Variants in BCAT1 observed in about 807,000 individuals in gnomAD.
The protein encoded by BCAT1 is branched chain amino acid transaminase 1, also known as branched-chain-amino-acid aminotransferase, cytosolic.
BCAT1 carries 48 observed loss-of-function variants against 52.4 expected under a neutral mutation model. The observed-to-expected ratio is 0.92, with a 90% CI of 0.73 to 1.16. The LOEUF (loss-of-function observed/expected upper bound fraction) is 1.16, where lower values mean the gene tolerates loss of function less well. BCAT1 is among the 50% of genes most tolerant of loss of function. The pLI, the probability that BCAT1 is intolerant of heterozygous loss-of-function variation, is 0.00. For synonymous variants in BCAT1, 167 were observed against 161.3 expected, an observed-to-expected ratio of 1.04 and a Z score of -0.27; for missense variants, 451 against 457.1, an observed-to-expected ratio of 0.99 and a Z score of 0.12.
At chr12:24,902,092 G>T in intron 1 of BCAT1, 1 of 1,477,090 alleles carries the variant, frequency 6.8e-7, no homozygotes, top group Non-Finnish European at 8.9e-7. Context: ...CCACCCTGCC[G>T]GGGTCGCGGC....
intron 3 of BCAT1, among the ~76,000 whole-genome samples, chr12:24,891,775 G>A (rs1942845874): frequency 6.6e-6 from 1 of 150,722 alleles, no homozygotes; most frequent in Admixed American, 6.6e-5. Flanking sequence ...TTGAGATGGA[G>A]TCTTGCTCTG....
chr12:24,867,244 C>A (rs1251389793), intron 5 of BCAT1, among the ~76,000 whole-genome samples: 1 of 152,112 alleles, frequency 6.6e-6, no homozygotes, highest in Non-Finnish European at 1.5e-5. Flanking sequence ...GTAACACTTA[C>A]CGCGAGGGTC....
intron 3 of BCAT1, among the ~76,000 whole-genome samples, chr12:24,887,080 A>AAAAAAAAAAAAAAAATAT (rs1245203518): frequency 2.2e-4 from 9 of 40,748 alleles, no homozygotes; most frequent in Admixed American, 2.9e-4. Context: ...AAAAAAAAAA[A>AAAAAAAAAAAAAAAATAT]ATATATATAT....
At chr12:24,937,915 G>C (rs1285737412) in intron 1 of BCAT1, among the ~76,000 whole-genome samples, 1 of 152,212 alleles carries the variant, frequency 6.6e-6, no homozygotes, top group Non-Finnish European at 1.5e-5. Context: ...TTTGGTGTGT[G>C]ATTCAAAGGT....
At chr12:24,849,191 C>CCAA (rs1183422069) in intron 6 of BCAT1, among the ~76,000 whole-genome samples, 1 of 152,264 alleles carries the variant, frequency 6.6e-6, no homozygotes. Context: ...CTGAAATCGT[C>CCAA]CAACACTTTT....
chr12:24,827,613 G>A (rs897598296), intron 10 of BCAT1, among the ~76,000 whole-genome samples: 3 of 152,086 alleles, frequency 2.0e-5, no homozygotes, highest in Non-Finnish European at 4.4e-5. Flanking sequence ...CCAACATGGC[G>A]AAACCTCGAC....
At chr12:24,860,867 T>G (rs1941832299) in intron 5 of BCAT1, among the ~76,000 whole-genome samples, 1 of 152,196 alleles carries the variant, frequency 6.6e-6, no homozygotes, top group Non-Finnish European at 1.5e-5. Flanking sequence ...CAGATAAATC[T>G]GTGTCTCAGC....
chr12:24,870,882 G>T (rs1470653974), intron 5 of BCAT1, among the ~76,000 whole-genome samples: 2 of 152,092 alleles, frequency 1.3e-5, no homozygotes, highest in Non-Finnish European at 2.9e-5. Flanking sequence ...AATTAGCCAG[G>T]TGTAGTGGTG....
Position 24,883,847 on chromosome 12 carries a change from G to A in BCAT1, c.280-2436C>T, listed in dbSNP as rs946671777. On this transcript the variant is annotated intron_variant, in intron 3 of 10. Coordinates refer to ENST00000261192, the MANE Select transcript of BCAT1 (RefSeq NM_005504.7). ...TTCCTGCAATGCACAGTTCACAATAGGGTTCACACTCCTATGAGAACCTAA... is the reference window on the plus strand; with the variant it reads ...TTCCTGCAATGCACAGTTCACAATAAGGTTCACACTCCTATGAGAACCTAA... Among the ~76,000 whole-genome samples the A allele has an allele frequency of 7.9e-5, 12 of 152,206 alleles. No homozygotes were observed. In the South Asian group the frequency reaches 1.9e-3, roughly 24 times the overall value.
intron 1 of BCAT1, among the ~76,000 whole-genome samples, chr12:24,943,961 G>A (rs1943896329): frequency 6.6e-6 from 1 of 151,994 alleles, no homozygotes; most frequent in Admixed American, 6.6e-5. Context: ...TCCAGCCTGG[G>A]TGACAGAGCA....
chr12:24,873,239 C>T (rs1942232988), intron 5 of BCAT1, among the ~76,000 whole-genome samples: 1 of 152,178 alleles, frequency 6.6e-6, no homozygotes, highest in Admixed American at 6.5e-5. Flanking sequence ...ATATTATGAT[C>T]TGAGATTTTC....
chr12:24,849,919 C>G lies in BCAT1; in HGVS notation c.541G>C (p.Ala181Pro), dbSNP rs775220333. ...GGGCTCAAGAGTACAAAGAGCAGGG[C>G]TTTGGTAGGCTTCTTGACTCCAAGA... Reference protein sequence around the residue: ...PSLGVKKPTKALLFVLLSPVG... With the variant: ...PSLGVKKPTKPLLFVLLSPVG... The change falls in exon 6 of 11, where the codon GCC becomes CCC. Residue 181 changes from alanine (A) to proline (P), a missense_variant. Physicochemically the swap from Ala to Pro is conservative, Grantham distance 27. Transcript: ENST00000261192. The G allele has an allele frequency of 6.2e-6, 10 of 1,611,998 alleles. No homozygotes were observed. The highest frequency in any genetic ancestry group is 1.6e-4 in the Middle Eastern group (1 of 6,074).
At chr12:24,921,856 A>G (rs1463341703) in intron 1 of BCAT1, among the ~76,000 whole-genome samples, 1 of 152,222 alleles carries the variant, frequency 6.6e-6, no homozygotes, top group East Asian at 1.9e-4. Context: ...CAGAATATGT[A>G]GTACACATTG....
chr12:24,820,536 G>A (rs1268272816), intron 10 of BCAT1, among the ~76,000 whole-genome samples: 4 of 152,192 alleles, frequency 2.6e-5, no homozygotes, highest in Non-Finnish European at 5.9e-5. Context: ...TTATACTCTT[G>A]TCATTGTCAT....
At chr12:24,853,145 C>A (rs1396909096) in intron 5 of BCAT1, among the ~76,000 whole-genome samples, 1 of 152,176 alleles carries the variant, frequency 6.6e-6, no homozygotes, top group Non-Finnish European at 1.5e-5. Context: ...GGTAACTGCA[C>A]TCATATGTTT....
intron 5 of BCAT1, among the ~76,000 whole-genome samples, chr12:24,875,595 C>T (rs1942311623): frequency 6.6e-6 from 1 of 152,134 alleles, no homozygotes; most frequent in Non-Finnish European, 1.5e-5. Flanking sequence ...TTCAGCAGGG[C>T]TTTTGTACTA....
At chr12:24,900,596 G>A in intron 2 of BCAT1, among the ~76,000 whole-genome samples, 1 of 152,118 alleles carries the variant, frequency 6.6e-6, no homozygotes, top group Non-Finnish European at 1.5e-5. Context: ...TCAAAAAAAA[G>A]AAAAAGAAAG....
intron 5 of BCAT1, among the ~76,000 whole-genome samples, chr12:24,867,913 G>A (rs944888913): frequency 6.6e-6 from 1 of 152,326 alleles, no homozygotes; most frequent in Non-Finnish European, 1.5e-5. Context: ...GCTGAGGCAG[G>A]AGAATCGCTT....
At chr12:24,832,305 A>G (rs1940702093) in intron 9 of BCAT1, among the ~76,000 whole-genome samples, 1 of 152,226 alleles carries the variant, frequency 6.6e-6, no homozygotes, top group African/African-American at 2.4e-5. Flanking sequence ...TTAAGCTTAC[A>G]TGAAATCACT....
Sources: gnomAD v4.1 joint callset for allele counts (sites outside exome capture counted in the v4.1 genomes callset) on GRCh38, gnomAD v4.1.1 for gene constraint, MANE v1.5 for transcripts, NCBI Gene and HGNC (gene_info 2026-07-23, HGNC 2026-07-21) for gene names.